NBPF19: variants seen among roughly 807,000 people sequenced by gnomAD.
NBPF19 encodes NBPF member 19, also known as NBPF family member NBPF19.
Under a neutral mutation model 45.9 loss-of-function variants are expected in NBPF19, and 30 were observed. The ratio of observed to expected loss-of-function variants is 0.65; its 90% CI spans 0.49 to 0.89. NBPF19 has a LOEUF of 0.89. Among genes scored for constraint, NBPF19 ranks in the 40% least tolerant of loss-of-function variants. The probability of loss-of-function intolerance (pLI) is 0.00; values close to 1 mark genes in which losing one functional copy is unlikely to be tolerated. For synonymous variants in NBPF19, 183 were observed against 181.2 expected (o/e 1.01, Z -0.08); for missense variants, 495 against 471.8 (o/e 1.05, Z -0.46).
intron 3 of NBPF19, among the ~76,000 whole-genome samples, chr1:149,478,278 G>A (rs1436653467): frequency 6.6e-6 from 1 of 151,020 alleles, no homozygotes; most frequent in African/African-American, 2.4e-5. Context: ...TAATTGTTGA[G>A]GTGAAATTTA....
At chr1:149,487,579 A>C (rs1230413091) in intron 9 of NBPF19, among the ~76,000 whole-genome samples, 196 bp downstream of exon 9, 1 of 150,952 alleles carries the variant, frequency 6.6e-6, no homozygotes, top group Non-Finnish European at 1.5e-5. Context: ...TCATTTACTA[A>C]CCTAGTGAAA....
At chr1:149,477,888 T>A (rs1251123128) in intron 2 of NBPF19, 57 bp from the exon 3 acceptor site, 5 of 897,792 alleles carry the variant, frequency 5.6e-6, no homozygotes, top group Admixed American at 3.5e-5. Context: ...CTGTAGGCAG[T>A]GACCACAGCA....
chr1:149,528,945 CTGTGTGTGTG>C (rs1182341067), intron 61 of NBPF19, among the ~76,000 whole-genome samples: 94 of 108,332 alleles, frequency 8.7e-4, no homozygotes, highest in Non-Finnish European at 1.1e-3. Flanking sequence ...TTCTCTCTCT[CTGTGTGTGTG>C]TGTGTGTGTG....
At chr1:149,478,366 C>G (rs1286259503) in intron 3 of NBPF19, among the ~76,000 whole-genome samples, 3 of 151,166 alleles carry the variant, frequency 2.0e-5, no homozygotes, top group African/African-American at 7.3e-5. Flanking sequence ...CTATCACCAC[C>G]CCACTTACCC....
chr1:149,538,462 T>C (rs1216531687), intron 73 of NBPF19, among the ~76,000 whole-genome samples: 1 of 34,264 alleles, frequency 2.9e-5, no homozygotes, highest in Non-Finnish European at 7.7e-5. Context: ...TGTGTGTGTG[T>C]GTGTGTGTGT....
intron 7 of NBPF19, among the ~76,000 whole-genome samples, chr1:149,485,065 A>G (rs2085437070): frequency 1.4e-5 from 2 of 143,982 alleles, no homozygotes; most frequent in Admixed American, 1.4e-4. Flanking sequence ...AAGCTTGTGC[A>G]TGCATCACGT....
At chr1:149,477,617 G>A (rs1456775533) in intron 2 of NBPF19, among the ~76,000 whole-genome samples, 1 of 151,410 alleles carries the variant, frequency 6.6e-6, no homozygotes, top group Admixed American at 6.6e-5. Context: ...GTGTTTTAGA[G>A]GAGAGGCTGC....
chr1:149,487,855 T>A (rs1213334450), intron 9 of NBPF19, among the ~76,000 whole-genome samples, 158 bp from the exon 10 acceptor site: 1 of 148,356 alleles, frequency 6.7e-6, no homozygotes, highest in South Asian at 2.2e-4. Flanking sequence ...TACCTGGCCC[T>A]AGTCTATCCC....
chr1:149,554,724 A>T lies in NBPF19; in HGVS notation c.11518A>T (p.Ile3840Leu). 3 of 1,608,214 alleles carry T rather than the reference A, an allele frequency of 1.9e-6. No homozygotes were observed. Among genetic ancestry groups the T allele is most frequent in the Non-Finnish European group, 2.5e-6 (3 of 1,176,690 alleles). ...SLHLVFQMLV[I>L]FPQ ...CCATCTGGTGTTCCAGATGTTAGTC[A>T]TATTCCCACAATAGGCAGCCCTTAC... The change falls in exon 94 of 94, where the codon ATA becomes TTA. Residue 3840 changes from isoleucine to leucine, a missense_variant. By Grantham distance (5) the Ile-to-Leu change is conservative. This residue lies in a region of NBPF19 where 248 missense variants were observed against 95.4 expected (regional missense o/e 2.60). Transcript: ENST00000651566.
rs1447732596 is a variant in NBPF19, at chr1:149,556,273, TG to T, written c.*1536del. The T allele has an allele frequency of 2.0e-5, 3 of 148,634 alleles. No homozygotes were observed. Among genetic ancestry groups the T allele is most frequent in the African/African-American group, 7.4e-5 (3 of 40,406 alleles). 9.2% of individuals were successfully genotyped at this position (148,634 alleles called of 1,614,324 possible). On this transcript the variant is annotated 3_prime_UTR_variant, in exon 94 of 94. Transcript: ENST00000651566. ...TGCCTATCACTCTGGACTTTTGGAT[TG>T]TTTTTTACATTCAGTGTTATAATAT...
In NBPF19 at chr1:149,554,565, A is replaced by T. The variant is rs1213170667; in HGVS notation, c.11359A>T (p.Thr3787Ser). ...GGACTCACTGGATGGATGTTATTCG[A>T]CTCCGTCAATGTACTTTGAACTACC... ...LQDSLDGCYS[T>S]PSMYFELPDS... Residue 3787 changes from threonine to serine, a missense_variant, in exon 94 of 94, where the codon ACT becomes TCT. Physicochemically the swap from Thr to Ser is moderately conservative, Grantham distance 58 (BLOSUM62 1). Around this residue, in one of 8 missense-constraint regions of NBPF19, gnomAD observed 248 missense variants for 95.4 expected, o/e 2.60. Transcript: ENST00000651566. The T allele has an allele frequency of 6.2e-6, 10 of 1,607,602 alleles. No individual in the cohort carries two copies. In the South Asian group the frequency reaches 7.7e-5, roughly 12 times the overall value.
rs1329855149 is a variant in NBPF19 at position 149,554,997 on chromosome 1, C to G, written c.*259C>G. 3 of 634,274 alleles carry G rather than the reference C, an allele frequency of 4.7e-6. 1 individual carries two copies. Among genetic ancestry groups the G allele is most frequent in the African/African-American group, 1.8e-5 (1 of 54,710 alleles). 39.3% of individuals were successfully genotyped at this position (634,274 alleles called of 1,614,324 possible). ...ATCAGTCGGACATTTTAATTTGAAC[C>G]ACGTATCTTTGGGTAGCTACAAAAT... On this transcript the variant is annotated 3_prime_UTR_variant, in exon 94 of 94. Coordinates refer to ENST00000651566, the MANE Select transcript of NBPF19 (RefSeq NM_001351365.2).
chr1:149,478,262 A>G (rs1275358520), intron 3 of NBPF19, among the ~76,000 whole-genome samples: 4 of 151,232 alleles, frequency 2.6e-5, no homozygotes, highest in Non-Finnish European at 4.4e-5. Flanking sequence ...CTCTTTTTCA[A>G]ACAAGTAATT....
In NBPF19 at chr1:149,515,117, CT is replaced by C; in HGVS notation, c.5323+12del. On this transcript the variant is annotated intron_variant, in intron 44 of 93. Coordinates refer to ENST00000651566, the MANE Select transcript of NBPF19 (RefSeq NM_001351365.2). ...TTCTCTTGACGTGGGAGGTGAGTACCTTTCTATGAAGGTGATAAGCACCACT... is the reference window on the plus strand; with the variant it reads ...TTCTCTTGACGTGGGAGGTGAGTACCTTCTATGAAGGTGATAAGCACCACT... The C allele has an allele frequency of 1.0e-6, 1 of 965,020 alleles. No individual in the cohort carries two copies. The highest frequency in any genetic ancestry group is 1.6e-6 in the Non-Finnish European group (1 of 623,664). The allele number at this position is 965,020 out of a possible 1,614,324, so 59.8% of individuals were successfully genotyped here.
chr1:149,519,706 G>T lies in NBPF19; in HGVS notation c.5901G>T (p.Leu1967=). 2.4e-5 allele frequency: 1 copy of T among 42,548 alleles called. No homozygotes were observed. The highest frequency in any genetic ancestry group is 3.8e-5 in the Non-Finnish European group (1 of 26,196). The allele number at this position is 42,548 out of a possible 1,614,324, so 2.6% of individuals were successfully genotyped here. The change falls in exon 50 of 94, where the codon CTG becomes CTT. Residue 1967 remains leucine (L), a synonymous_variant. Coordinates refer to ENST00000651566, the MANE Select transcript of NBPF19 (RefSeq NM_001351365.2). Reference sequence around the variant, plus strand: ...TTTCCAGGCTCAGCAGGGAGCTGCTGGAGGTAGTAGAGCCTGAAGTCTTGC... The same window carrying T: ...TTTCCAGGCTCAGCAGGGAGCTGCTTGAGGTAGTAGAGCCTGAAGTCTTGC... The part of the protein sequence containing the change: ...PPCPRLSREL[L]EVVEPEVLQD...
intron 9 of NBPF19, 64 bp downstream of exon 9, chr1:149,487,447 A>G: frequency 1.1e-6 from 1 of 923,082 alleles, no homozygotes; most frequent in South Asian, 1.3e-5. Context: ...AAGTCCAGGG[A>G]AAACAGTACA....
intron 9 of NBPF19, 73 bp downstream of exon 9, chr1:149,487,456 C>A: frequency 7.4e-6 from 7 of 943,552 alleles, no homozygotes; most frequent in Non-Finnish European, 1.0e-5. Flanking sequence ...GAAAACAGTA[C>A]ATGCTGAAAA....
rs1331897878 is a variant in NBPF19, at chr1:149,487,270, G to A, written c.989-62G>A. 24 of 1,214,776 alleles carry A rather than the reference G, an allele frequency of 2.0e-5. No individual in the cohort carries two copies. The Middle Eastern group carries it at 6.8e-4, about 34-fold the overall frequency. The allele number at this position is 1,214,776 out of a possible 1,614,324, so 75.2% of individuals were successfully genotyped here. A position where few individuals can be genotyped will look rare whatever the true frequency, so the allele number is the denominator to read the frequency against. On this transcript the variant is annotated intron_variant, in intron 8 of 93. Transcript: ENST00000651566. The stretch of plus-strand genomic sequence containing the variant: ...TGTCCCTGTGTTAGGATTGGACAGA[G>A]GAATGTTTCTGTGTGCAAGGAAGAA...
At position 149,487,346 on chromosome 1, in the gene NBPF19, C is replaced by T; in HGVS notation, c.1003C>T (p.Gln335Ter). 2 of 1,564,234 alleles carry T rather than the reference C, an allele frequency of 1.3e-6. No homozygotes were observed. ...AVDIGRHRWD[Q>*]VKKEDQEATG... is the part of the protein sequence containing the mutation. Reference sequence around the variant, plus strand: ...TTTATTTGCAGGACATCGCTGGGATCAAGTGAAAAAGGAGGACCAAGAGGC... The same window carrying T: ...TTTATTTGCAGGACATCGCTGGGATTAAGTGAAAAAGGAGGACCAAGAGGC... The change falls in exon 9 of 94, where the codon CAA becomes TAA. Residue 335 changes from glutamine to a stop codon, truncating the protein, a stop_gained. Coordinates refer to ENST00000651566, the MANE Select transcript of NBPF19 (RefSeq NM_001351365.2). LOFTEE classifies it high-confidence loss of function.
Sources: gnomAD v4.1 joint callset for allele counts (sites outside exome capture counted in the v4.1 genomes callset) on GRCh38, gnomAD v4.1.1 for gene constraint, gnomAD v4.1.1 regional missense constraint, MANE v1.5 for transcripts, NCBI Gene and HGNC (gene_info 2026-07-23, HGNC 2026-07-21) for gene names.